Variants in PTPRF observed in about 807,000 individuals in gnomAD.
The protein encoded by PTPRF is receptor-type tyrosine-protein phosphatase F.
PTPRF carries 59 observed loss-of-function variants against 201.8 expected under a neutral mutation model. The observed-to-expected ratio is 0.29, with a 90% confidence interval of 0.24 to 0.36. The LOEUF (loss-of-function observed/expected upper bound fraction) is 0.36. Among genes scored for constraint, PTPRF ranks in the 10% least tolerant of loss-of-function variants. The pLI is 1.00. For synonymous variants in PTPRF, 1,088 were observed against 1,089.7 expected (o/e 1.00, Z 0.03); for missense variants, 2,132 against 2,690.5 (o/e 0.79, Z 4.59).
In PTPRF at chr1:43,598,903, C is replaced by G. The variant is rs763592362; in HGVS notation, c.2303C>G (p.Ala768Gly). Residue 768 changes from alanine to glycine, a missense_variant, in exon 13 of 34, where the codon GCC (alanine) becomes GGC (glycine). Coordinates refer to ENST00000359947, the MANE Select transcript of PTPRF (RefSeq NM_002840.5). Reference protein sequence around the residue: ...GLPIIQDVMLAEAQWRPEESE... With the variant: ...GLPIIQDVMLGEAQWRPEESE... ...CCCATCATCCAAGACGTCATGCTAGCCGAGGCCCAGGTGCAGCATTGGGTG... is the reference window on the plus strand; with the variant it reads ...CCCATCATCCAAGACGTCATGCTAGGCGAGGCCCAGGTGCAGCATTGGGTG... 3 of 1,613,372 alleles carry G rather than the reference C, an allele frequency of 1.9e-6. No individual in the cohort carries two copies. The highest frequency in any genetic ancestry group is 2.5e-6 in the Non-Finnish European group (3 of 1,179,736).
intron 13 of PTPRF, among the ~76,000 whole-genome samples, chr1:43,599,947 T>G (rs1653332715): frequency 6.6e-6 from 1 of 152,170 alleles, no homozygotes; most frequent in Non-Finnish European, 1.5e-5. Flanking sequence ...CTCTCACCTC[T>G]GCCTGGGTGG....
chr1:43,540,971 C>T lies in PTPRF; in HGVS notation c.-46+2694C>T, dbSNP rs555735660. ...CTCCGCGGCCGCTGCTGCAGTGCCACGCGGTGAACTGTCCAGGACATGACA... is the reference window on the plus strand; with the variant it reads ...CTCCGCGGCCGCTGCTGCAGTGCCATGCGGTGAACTGTCCAGGACATGACA... On this transcript the variant is annotated intron_variant, in intron 2 of 33. Transcript: ENST00000359947. 1.3e-3 allele frequency among the ~76,000 whole-genome samples: 202 copies of T among 152,378 alleles called. 1 individual carries two copies. Among genetic ancestry groups the T allele is most frequent in the African/African-American group, 4.7e-3 (194 of 41,598 alleles).
chr1:43,618,847 G>A, intron 26 of PTPRF, 98 bp downstream of exon 26: 1 of 1,528,400 alleles, frequency 6.5e-7, no homozygotes. Flanking sequence ...GAGCCTGGGT[G>A]TTGGAGGGTC....
chr1:43,607,470 C>T (rs964397629), intron 21 of PTPRF, among the ~76,000 whole-genome samples: 4 of 152,210 alleles, frequency 2.6e-5, no homozygotes, highest in East Asian at 1.9e-4. Context: ...CCATCCGCAG[C>T]GGCCTCAGCC....
chr1:43,606,576 C>T, intron 20 of PTPRF, 118 bp downstream of exon 20: 2 of 1,159,298 alleles, frequency 1.7e-6, no homozygotes, highest in Non-Finnish European at 2.4e-6. Context: ...CTTCGAGATC[C>T]TGGGGCAGCA....
intron 10 of PTPRF, 41 bp downstream of exon 10, chr1:43,591,989 C>T: frequency 6.2e-7 from 1 of 1,608,664 alleles, no homozygotes; most frequent in Non-Finnish European, 8.5e-7. Context: ...GTCTCCTGGT[C>T]CCTGAGGGTC....
At chr1:43,600,652 C>G (rs1338431138) in intron 13 of PTPRF, among the ~76,000 whole-genome samples, 1 of 151,178 alleles carries the variant, frequency 6.6e-6, no homozygotes. Flanking sequence ...GGTGCAGGTT[C>G]CCACCCCCAG....
intron 7 of PTPRF, among the ~76,000 whole-genome samples, chr1:43,584,314 CTG>C (rs1465977631): frequency 1.3e-5 from 2 of 152,220 alleles, no homozygotes; most frequent in African/African-American, 4.8e-5. Flanking sequence ...TGAGTTTCCT[CTG>C]TGAGGGTGAG....
In PTPRF at chr1:43,619,830, A is replaced by G; in HGVS notation, c.5083A>G (p.Ile1695Val). 6.2e-7 allele frequency: 1 copy of G among 1,614,182 alleles called. No homozygotes were observed. The highest frequency in any genetic ancestry group is 1.3e-5 in the African/African-American group (1 of 75,068). Residue 1695 changes from isoleucine to valine, a missense_variant, in exon 29 of 34, where the codon ATC (isoleucine) becomes GTC (valine). This residue lies in a region of PTPRF where 519 missense variants were observed against 659.5 expected (regional missense o/e 0.79). Coordinates refer to ENST00000359947, the MANE Select transcript of PTPRF (RefSeq NM_002840.5). ...CCGTGGTGTGGAGGGCTCTGACTACATCAATGCCAGCTTCCTGGATGGTTA... is the reference window on the plus strand; with the variant it reads ...CCGTGGTGTGGAGGGCTCTGACTACGTCAATGCCAGCTTCCTGGATGGTTA... ...PIRGVEGSDY[I>V]NASFLDGYRQ...
intron 12 of PTPRF, 101 bp downstream of exon 12, chr1:43,598,154 C>T: frequency 8.1e-7 from 1 of 1,232,510 alleles, no homozygotes. Flanking sequence ...CCCAGGTCAA[C>T]TCATCTTTCT....
At chr1:43,524,176 G>A (rs1643030741), upstream of PTPRF, among the ~76,000 whole-genome samples, 1 of 152,036 alleles carries the variant, frequency 6.6e-6, no homozygotes, top group Admixed American at 6.6e-5. Flanking sequence ...AGTACGCAAA[G>A]GCATACAGGT....
chr1:43,579,707 G>A (rs932627193), intron 7 of PTPRF: 16 of 163,530 alleles, frequency 9.8e-5, no homozygotes, highest in Admixed American at 4.1e-4. Flanking sequence ...GTGCCCAGAA[G>A]GGGCCCTGAG....
chr1:43,576,335 G>T (rs532861572), intron 6 of PTPRF, among the ~76,000 whole-genome samples: 1 of 152,172 alleles, frequency 6.6e-6, no homozygotes, highest in Non-Finnish European at 1.5e-5. Flanking sequence ...GTCTCTTTTG[G>T]GGGGACCTCA....
At chr1:43,581,629 C>T (rs1440166001) in intron 7 of PTPRF, among the ~76,000 whole-genome samples, 2 of 152,246 alleles carry the variant, frequency 1.3e-5, no homozygotes, top group Non-Finnish European at 2.9e-5. Flanking sequence ...TACTAGGGGC[C>T]CTTCAGCCCC....
At chr1:43,547,809 G>T (rs1644777312) in intron 3 of PTPRF, among the ~76,000 whole-genome samples, 1 of 152,240 alleles carries the variant, frequency 6.6e-6, no homozygotes, top group Non-Finnish European at 1.5e-5. Context: ...GTGGAGATTT[G>T]GGCACACATT....
chr1:43,523,958 G>A (rs529640795), upstream of PTPRF, among the ~76,000 whole-genome samples: 2 of 151,358 alleles, frequency 1.3e-5, no homozygotes, highest in South Asian at 4.2e-4. Context: ...AGCTACTCGG[G>A]AGGCTGAGGC....
chr1:43,550,197 G>C (rs946312800), intron 3 of PTPRF, among the ~76,000 whole-genome samples: 41 of 152,310 alleles, frequency 2.7e-4, no homozygotes, highest in African/African-American at 9.4e-4. Flanking sequence ...CTCCAAGGGA[G>C]GGGAGTTGTT....
At chr1:43,564,880 T>G (rs1290977061) in intron 5 of PTPRF, among the ~76,000 whole-genome samples, 4 of 151,984 alleles carry the variant, frequency 2.6e-5, no homozygotes, top group Admixed American at 2.6e-4. Context: ...TGCAGCCCCC[T>G]CCCTCTGGCC....
At chr1:43,613,463 C>A in intron 22 of PTPRF, 155 bp from the exon 23 acceptor site, 1 of 684,864 alleles carries the variant, frequency 1.5e-6, no homozygotes, top group Non-Finnish European at 2.7e-6. Flanking sequence ...CTCCGCCATC[C>A]CTGTCGCCGC....
Sources: allele counts gnomAD v4.1 joint callset (sites outside exome capture counted in the v4.1 genomes callset), GRCh38; gene constraint gnomAD v4.1.1; regional missense constraint gnomAD v4.1.1; transcripts MANE v1.5; gene names NCBI Gene and HGNC (gene_info 2026-07-23, HGNC 2026-07-21).